Variants in C2CD3 observed in about 807,000 individuals in gnomAD.
The protein encoded by C2CD3 is C2 domain containing 3 centriole elongation regulator.
In C2CD3, 148 loss-of-function variants were observed where a neutral mutation model predicts 234.0. That is an observed-to-expected ratio of 0.63 (90% CI 0.55 to 0.72). The LOEUF (loss-of-function observed/expected upper bound fraction) is 0.72. Among genes scored for constraint, C2CD3 ranks in the 30% least tolerant of loss-of-function variants. The pLI is 0.00. For synonymous variants in C2CD3, 1,000 were observed against 1,035.4 expected, an observed-to-expected ratio of 0.97 and a Z score of 0.66; for missense variants, 2,577 against 2,811.5, an observed-to-expected ratio of 0.92 and a Z score of 1.89.
intron 3 of C2CD3, among the ~76,000 whole-genome samples, chr11:74,144,841 G>A (rs77771001): frequency 0.024 from 3,580 of 152,042 alleles, 132 homozygotes; most frequent in African/African-American, 0.08. Context: ...TTTTCTTAAC[G>A]GTCTACCATT....
chr11:74,014,032 T>C (rs1951789384), intron 32 of C2CD3, among the ~76,000 whole-genome samples: 1 of 152,218 alleles, frequency 6.6e-6, no homozygotes, highest in South Asian at 2.1e-4. Flanking sequence ...ATAAAGCACC[T>C]ACCTACTGCT....
chr11:74,118,038 C>CA (rs1957088061), intron 9 of C2CD3, among the ~76,000 whole-genome samples, 190 bp downstream of exon 9: 1 of 152,104 alleles, frequency 6.6e-6, no homozygotes, highest in African/African-American at 2.4e-5. Context: ...ACCTGTTCCC[C>CA]AAAACCTATG....
intron 28 of C2CD3, among the ~76,000 whole-genome samples, chr11:74,044,338 C>T (rs189191761): frequency 1.1e-3 from 160 of 151,884 alleles, no homozygotes; most frequent in African/African-American, 3.6e-3. Context: ...ACCTGTAGTC[C>T]CAGCTACTAG....
At chr11:74,146,786 C>T (rs371631142) in intron 3 of C2CD3, among the ~76,000 whole-genome samples, 2 of 149,758 alleles carry the variant, frequency 1.3e-5, no homozygotes, top group African/African-American at 4.9e-5. Context: ...GGCGCGGTGG[C>T]TCACGTCTGT....
intron 9 of C2CD3, among the ~76,000 whole-genome samples, chr11:74,115,119 A>G (rs1565310636): frequency 6.6e-6 from 1 of 152,180 alleles, no homozygotes; most frequent in East Asian, 1.9e-4. Context: ...TAAAGGTTTG[A>G]GAGTGTATAT....
intron 11 of C2CD3, among the ~76,000 whole-genome samples, chr11:74,111,501 T>C (rs1337184337): frequency 6.6e-6 from 1 of 152,188 alleles, no homozygotes; most frequent in African/African-American, 2.4e-5. Flanking sequence ...TAAATGAATT[T>C]CATGTTTAGA....
intron 6 of C2CD3, 120 bp from the exon 7 acceptor site, chr11:74,133,092 C>T: frequency 2.2e-6 from 2 of 913,106 alleles, no homozygotes; most frequent in Non-Finnish European, 3.4e-6. Context: ...TTAGACTTAA[C>T]TGCCTTAAAT....
At chr11:74,018,229 G>C (rs1187880972) in intron 32 of C2CD3, among the ~76,000 whole-genome samples, 1 of 152,214 alleles carries the variant, frequency 6.6e-6, no homozygotes, top group Non-Finnish European at 1.5e-5. Context: ...GATGGAGCTA[G>C]AGCCAATACC....
Position 74,074,587 on chromosome 11 carries a change from C to A in C2CD3, c.4617G>T (p.Leu1539=). ...AGAGGTTGGAAGCATTTCGTCCAAA[C>A]AGAGGATACACACCTAAAAGAAGAT... ...RTLTVSGVYP[L]FGRNASNLSG... Residue 1539 remains leucine (L), a synonymous_variant, in exon 24 of 33, where the codon CTG becomes CTT. Coordinates refer to ENST00000334126, the MANE Select transcript of C2CD3 (RefSeq NM_001286577.2). 1 of 1,612,668 alleles carries A rather than the reference C, an allele frequency of 6.2e-7. No homozygotes were observed.
intron 31 of C2CD3, among the ~76,000 whole-genome samples, chr11:74,030,107 C>T (rs1177165030): frequency 1.3e-5 from 2 of 152,050 alleles, no homozygotes; most frequent in African/African-American, 4.8e-5. Flanking sequence ...TCAAGTTTCC[C>T]ATTTAGGGAA....
chr11:74,117,568 A>G (rs934343294), intron 9 of C2CD3, among the ~76,000 whole-genome samples: 1 of 151,824 alleles, frequency 6.6e-6, no homozygotes, highest in East Asian at 1.9e-4. Flanking sequence ...GAATGATACA[A>G]TGGACTTTGG....
At chr11:74,107,151 C>T (rs1382594318) in intron 12 of C2CD3, among the ~76,000 whole-genome samples, 1 of 152,016 alleles carries the variant, frequency 6.6e-6, no homozygotes, top group Non-Finnish European at 1.5e-5. Context: ...GTGAAACCCC[C>T]GTCTCTACTA....
intron 25 of C2CD3, among the ~76,000 whole-genome samples, chr11:74,056,567 T>G (rs1953957550): frequency 6.6e-6 from 1 of 152,194 alleles, no homozygotes; most frequent in Non-Finnish European, 1.5e-5. Context: ...AGATGAAGAA[T>G]CTGTGGCTCA....
intron 5 of C2CD3, among the ~76,000 whole-genome samples, chr11:74,137,937 AACAAAATGTTTTTGTTCTTTT>A (rs1221313597): frequency 3.0e-4 from 46 of 152,186 alleles, no homozygotes; most frequent in Non-Finnish European, 2.9e-5. Context: ...AAAAACTATA[AACAAAATGTTTTTGTTCTTTT>A]ACAAAATGTC....
In C2CD3 at chr11:74,117,048, G is replaced by GAATATATATATATGAA. The variant is rs1956998836; in HGVS notation, c.1520+1179_1520+1180insTTCATATATATATATT. Among the ~76,000 whole-genome samples, 10 of 49,018 alleles carry GAATATATATATATGAA rather than the reference G, an allele frequency of 2.0e-4. 4 individuals are homozygous for GAATATATATATATGAA. Among genetic ancestry groups the GAATATATATATATGAA allele is most frequent in the African/African-American group, 6.2e-4 (8 of 12,924 alleles). 32.2% of individuals were successfully genotyped at this position (49,018 alleles called of 152,430 possible). A position where few individuals can be genotyped will look rare whatever the true frequency, so the allele number is the denominator to read the frequency against. ...TGTATATGTATATATACGTGTGTGTGTATATATATATGAATATATATATAT... is the reference window on the plus strand; with the variant it reads ...TGTATATGTATATATACGTGTGTGTGAATATATATATATGAATATATATATATGAATATATATATAT... On this transcript the variant is annotated intron_variant, in intron 9 of 32. Coordinates refer to ENST00000334126, the MANE Select transcript of C2CD3 (RefSeq NM_001286577.2).
intron 22 of C2CD3, among the ~76,000 whole-genome samples, chr11:74,084,465 G>T (rs572249348): frequency 1.2e-4 from 18 of 151,814 alleles, no homozygotes; most frequent in Non-Finnish European, 2.6e-4. Flanking sequence ...AAAAAGAAAC[G>T]GGGTTTCACC....
chr11:74,161,832 T>C (rs1048302597), intron 2 of C2CD3, among the ~76,000 whole-genome samples: 5 of 150,714 alleles, frequency 3.3e-5, no homozygotes, highest in Non-Finnish European at 4.4e-5. Flanking sequence ...TTTTTTTTTT[T>C]TTCTTGAGAC....
rs1857146532 is a variant in C2CD3 at position 74,170,766 on chromosome 11, A to G, written c.27T>C (p.Ser9=). 6.2e-7 allele frequency: 1 copy of G among 1,614,012 alleles called. No homozygotes were observed. Among genetic ancestry groups the G allele is most frequent in the Non-Finnish European group, 8.5e-7 (1 of 1,180,022 alleles). MKQRKGQG[S]GGSRGRKKRG... ...TTTTTTTGCGCCCACGGCTGCCCCC[A>G]GACCCTTGGCCTTTTCGTTGTTTCA... Residue 9 remains serine, a synonymous_variant, in exon 1 of 33, where the codon TCT becomes TCC. Coordinates refer to ENST00000334126, the MANE Select transcript of C2CD3 (RefSeq NM_001286577.2).
intron 4 of C2CD3, 21 bp from the exon 5 acceptor site, chr11:74,138,988 A>G (rs1957958381): frequency 3.2e-6 from 5 of 1,581,878 alleles, no homozygotes; most frequent in Non-Finnish European, 4.3e-6. Context: ...AAAAAGGGAG[A>G]ACATCAGCAA....
Sources: allele counts gnomAD v4.1 joint callset (sites outside exome capture counted in the v4.1 genomes callset), GRCh38; gene constraint gnomAD v4.1.1; transcripts MANE v1.5; gene names NCBI Gene and HGNC (gene_info 2026-07-23, HGNC 2026-07-21).